SPON1: variants seen among roughly 807,000 people sequenced by gnomAD.
The protein encoded by SPON1 is spondin-1.
Under a neutral mutation model 111.7 loss-of-function variants are expected in SPON1, and 52 were observed. That is an observed-to-expected ratio of 0.47 (90% CI 0.37 to 0.59). The LOEUF (loss-of-function observed/expected upper bound fraction) is 0.59. SPON1 is among the 20% of genes least tolerant of loss of function. The pLI, the probability that SPON1 is intolerant of heterozygous loss-of-function variation, is 0.00. For missense variants in SPON1, 957 were observed against 1,068.5 expected (o/e 0.90, Z 1.46); for synonymous variants, 410 against 395.8 (o/e 1.04, Z -0.43).
Position 14,236,891 on chromosome 11 carries a change from C to T in SPON1, c.826-6441C>T, listed in dbSNP as rs1554939262. 2.6e-5 allele frequency among the ~76,000 whole-genome samples: 4 copies of T among 152,306 alleles called. No homozygotes were observed. In the South Asian group the frequency reaches 6.2e-4, roughly 24 times the overall value. ...AGGTCACTGGTGACCTTGACGGGAGCAGTGAGTCTGCTGTCAGAGGAGAGG... is the reference window on the plus strand; with the variant it reads ...AGGTCACTGGTGACCTTGACGGGAGTAGTGAGTCTGCTGTCAGAGGAGAGG... On this transcript the variant is annotated intron_variant, in intron 6 of 15. Transcript: ENST00000576479.
At chr11:14,193,758 C>A (rs1848371961) in intron 6 of SPON1, among the ~76,000 whole-genome samples, 1 of 152,212 alleles carries the variant, frequency 6.6e-6, no homozygotes, top group Non-Finnish European at 1.5e-5. Flanking sequence ...TCAGCTAACA[C>A]ATGCCTCTCA....
chr11:14,073,240 C>A (rs1554921104), intron 3 of SPON1, among the ~76,000 whole-genome samples: 2 of 152,122 alleles, frequency 1.3e-5, no homozygotes, highest in Non-Finnish European at 1.5e-5. Context: ...ACCACCACAG[C>A]CTGCCATGTG....
At chr11:14,222,906 G>A (rs10832236) in intron 6 of SPON1, among the ~76,000 whole-genome samples, 69,904 of 151,972 alleles carry the variant, frequency 0.46, 16,211 homozygotes, top group East Asian at 0.55. Context: ...TTAGACAGAA[G>A]TCAGCTCCAG....
chr11:14,071,990 C>A (rs569083653), intron 3 of SPON1, among the ~76,000 whole-genome samples: 3 of 152,286 alleles, frequency 2.0e-5, no homozygotes, highest in Admixed American at 6.5e-5. Flanking sequence ...TGAGCCACAG[C>A]ACCTGGCCCC....
At chr11:14,005,834 A>C (rs1420517113) in intron 2 of SPON1, among the ~76,000 whole-genome samples, 2 of 152,072 alleles carry the variant, frequency 1.3e-5, no homozygotes, top group Non-Finnish European at 2.9e-5. Context: ...TGAAAGTTCA[A>C]CTCTAGAGCC....
At chr11:14,141,021 G>GCCCCCCCCCCCCCCCCCCCCC (rs541380689) in intron 6 of SPON1, among the ~76,000 whole-genome samples, 1 of 114,598 alleles carries the variant, frequency 8.7e-6, no homozygotes, top group African/African-American at 3.1e-5. Context: ...ATGCAGGCGT[G>GCCCCCCCCCCCCCCCCCCCCC]CCCCCCCCAT....
At chr11:14,026,617 T>C (rs1848520230) in intron 2 of SPON1, among the ~76,000 whole-genome samples, 1 of 152,296 alleles carries the variant, frequency 6.6e-6, no homozygotes, top group Middle Eastern at 3.4e-3. Context: ...TTTGATCCCA[T>C]GCCGATGTCT....
intron 6 of SPON1, among the ~76,000 whole-genome samples, chr11:14,158,636 C>T (rs1368886010): frequency 1.3e-5 from 2 of 152,180 alleles, no homozygotes; most frequent in Non-Finnish European, 2.9e-5. Context: ...TCTGACTCAC[C>T]TCCATGCATT....
chr11:14,016,820 T>G (rs1848447381), intron 2 of SPON1, among the ~76,000 whole-genome samples: 1 of 152,226 alleles, frequency 6.6e-6, no homozygotes, highest in Non-Finnish European at 1.5e-5. Flanking sequence ...TGTGCCATTT[T>G]TTTCATTTCA....
At chr11:14,187,196 C>G (rs1488222236) in intron 6 of SPON1, among the ~76,000 whole-genome samples, 2 of 152,170 alleles carry the variant, frequency 1.3e-5, no homozygotes, top group African/African-American at 4.8e-5. Context: ...AAGGTGAGAA[C>G]TCACTCATTA....
In SPON1 at chr11:14,265,558, A is replaced by G. The variant is rs373553298; in HGVS notation, c.2295A>G (p.Glu765=). 5.5e-5 allele frequency: 89 copies of G among 1,613,638 alleles called. No homozygotes were observed. The highest frequency in any genetic ancestry group is 6.2e-5 in the Non-Finnish European group (73 of 1,179,838). The change falls in exon 16 of 16, where the codon GAA becomes GAG. Residue 765 remains glutamate, a synonymous_variant. Transcript: ENST00000576479. ...TGCGCCCATGGACGGCCTGGTCAGAATGCACCAAACTGTGCGGAGGTGGAA... is the reference window on the plus strand; with the variant it reads ...TGCGCCCATGGACGGCCTGGTCAGAGTGCACCAAACTGTGCGGAGGTGGAA... ...CRMRPWTAWS[E]CTKLCGGGIQ...
intron 6 of SPON1, among the ~76,000 whole-genome samples, chr11:14,218,956 CAA>C (rs1168225455): frequency 6.6e-6 from 1 of 152,180 alleles, no homozygotes; most frequent in East Asian, 1.9e-4. Flanking sequence ...AGAAAAATAA[CAA>C]AGCACTCAGT....
At chr11:14,198,743 A>G (rs1554935311) in intron 6 of SPON1, among the ~76,000 whole-genome samples, 2 of 152,252 alleles carry the variant, frequency 1.3e-5, no homozygotes, top group Non-Finnish European at 2.9e-5. Flanking sequence ...CTCCCATTTG[A>G]AAACATTTCT....
chr11:14,168,134 G>C (rs1268919806), intron 6 of SPON1, among the ~76,000 whole-genome samples: 1 of 152,036 alleles, frequency 6.6e-6, no homozygotes, highest in African/African-American at 2.4e-5. Context: ...AGTAGGCATG[G>C]CTCTCCATAT....
chr11:14,206,584 T>C (rs1848519468), intron 6 of SPON1, among the ~76,000 whole-genome samples: 1 of 152,230 alleles, frequency 6.6e-6, no homozygotes. Flanking sequence ...TTCATACATA[T>C]GAATTTTTTC....
chr11:14,207,187 A>G (rs1848526761), intron 6 of SPON1, among the ~76,000 whole-genome samples: 1 of 152,252 alleles, frequency 6.6e-6, no homozygotes, highest in Non-Finnish European at 1.5e-5. Flanking sequence ...AGCCATATGC[A>G]GAAGATTGAA....
At chr11:14,220,013 A>G (rs1824507246) in intron 6 of SPON1, among the ~76,000 whole-genome samples, 2 of 151,280 alleles carry the variant, frequency 1.3e-5, no homozygotes, top group South Asian at 4.2e-4. Flanking sequence ...CTTGAGCCCA[A>G]GAGGTGGAGG....
At chr11:14,142,507 A>G (rs1451938832) in intron 6 of SPON1, among the ~76,000 whole-genome samples, 2 of 152,218 alleles carry the variant, frequency 1.3e-5, no homozygotes, top group Admixed American at 6.5e-5. Flanking sequence ...GTATAAATTA[A>G]GCCTTCAAAT....
intron 2 of SPON1, among the ~76,000 whole-genome samples, chr11:14,013,961 C>T (rs782439451): frequency 3.3e-5 from 5 of 152,120 alleles, no homozygotes; most frequent in Non-Finnish European, 5.9e-5. Context: ...TTTCCATTAT[C>T]GTGGATTTTA....
Sources: allele counts gnomAD v4.1 joint callset (sites outside exome capture counted in the v4.1 genomes callset), GRCh38; gene constraint gnomAD v4.1.1; transcripts MANE v1.5; gene names NCBI Gene and HGNC (gene_info 2026-07-23, HGNC 2026-07-21).